The following ERBB4 variants were observed in gnomAD, a reference collection of about 807,000 sequenced individuals.
ERBB4 encodes receptor tyrosine-protein kinase erbB-4.
Under a neutral mutation model 158.0 loss-of-function variants are expected in ERBB4, and 42 were observed. The observed-to-expected ratio is 0.27, with a 90% CI of 0.21 to 0.34. The LOEUF is 0.34. Among genes scored for constraint, ERBB4 ranks in the 10% least tolerant of loss-of-function variants. ERBB4 has a pLI of 1.00. For missense variants in ERBB4, 1,333 were observed against 1,624.1 expected (o/e 0.82, Z 3.08); for synonymous variants, 583 against 558.7 (o/e 1.04, Z -0.61).
chr2:211,478,138 C>A (rs2065001816), intron 20 of ERBB4, among the ~76,000 whole-genome samples: 1 of 152,100 alleles, frequency 6.6e-6, no homozygotes, highest in African/African-American at 2.4e-5. Flanking sequence ...AATGGGATCA[C>A]TAAAACACAG....
intron 3 of ERBB4, among the ~76,000 whole-genome samples, chr2:211,905,690 ATATG>A (rs1190911420): frequency 3.0e-5 from 4 of 135,372 alleles, no homozygotes; most frequent in Non-Finnish European, 6.3e-5. Flanking sequence ...ATACACACAT[ATATG>A]TGTGTGTATG....
intron 1 of ERBB4, among the ~76,000 whole-genome samples, chr2:212,372,096 C>T (rs2090108355): frequency 6.6e-6 from 1 of 151,834 alleles, no homozygotes; most frequent in Non-Finnish European, 1.5e-5. Context: ...TGGCAATAGG[C>T]CAAGTTTGAA....
At chr2:212,111,385 C>T (rs1004369893) in intron 2 of ERBB4, among the ~76,000 whole-genome samples, 8 of 152,178 alleles carry the variant, frequency 5.3e-5, no homozygotes, top group African/African-American at 1.7e-4. Context: ...TTTCTTCCTG[C>T]TACTGGATTT....
At chr2:212,011,472 T>C (rs1013067559) in intron 2 of ERBB4, among the ~76,000 whole-genome samples, 4 of 152,114 alleles carry the variant, frequency 2.6e-5, no homozygotes, top group African/African-American at 9.7e-5. Flanking sequence ...GCATTTCAGC[T>C]AGGTGCAGTG....
rs1471331440 is a variant in ERBB4, at chr2:211,644,490, T to A, written c.1946+13264A>T. On this transcript the variant is annotated intron_variant, in intron 16 of 27. Coordinates refer to ENST00000342788, the MANE Select transcript of ERBB4 (RefSeq NM_005235.3). ...TCGAACCTAAGCATTTCAAACAACA[T>A]TGAAATAATATAATGCCAAGACAAC... Among the ~76,000 whole-genome samples the A allele has an allele frequency of 3.9e-5, 6 of 152,056 alleles. No individual in the cohort carries two copies. In the East Asian group the frequency reaches 1.2e-3, roughly 29 times the overall value.
intron 20 of ERBB4, among the ~76,000 whole-genome samples, chr2:211,479,638 C>G (rs184655338): frequency 2.6e-5 from 4 of 152,222 alleles, no homozygotes; most frequent in Admixed American, 6.5e-5. Context: ...TCTATCGGCA[C>G]AGGAACTGGC....
At chr2:212,186,806 T>G (rs1263303182) in intron 1 of ERBB4, among the ~76,000 whole-genome samples, 1 of 152,248 alleles carries the variant, frequency 6.6e-6, no homozygotes, top group South Asian at 2.1e-4. Flanking sequence ...AAGATAGAAG[T>G]ATGCAGCGAT....
At chr2:212,000,740 A>C (rs2076084114) in intron 2 of ERBB4, among the ~76,000 whole-genome samples, 1 of 151,910 alleles carries the variant, frequency 6.6e-6, no homozygotes. Context: ...AATGTCTACC[A>C]AAATCTATAA....
intron 3 of ERBB4, among the ~76,000 whole-genome samples, chr2:211,875,050 A>AAAAAAC (rs66500425): frequency 5.0e-4 from 38 of 75,798 alleles, no homozygotes; most frequent in Non-Finnish European, 6.8e-4. Context: ...AAAAAAAAAA[A>AAAAAAC]CAAACTCAAA....
intron 1 of ERBB4, among the ~76,000 whole-genome samples, chr2:212,194,291 T>TACACACAAACACAC (rs2082358738): frequency 6.7e-6 from 1 of 148,728 alleles, no homozygotes; most frequent in South Asian, 2.2e-4. Context: ...AAATAGTTTA[T>TACACACAAACACAC]ACACACACAC....
intron 1 of ERBB4, among the ~76,000 whole-genome samples, chr2:212,165,405 A>C (rs1267011677): frequency 6.6e-6 from 1 of 151,910 alleles, no homozygotes; most frequent in Non-Finnish European, 1.5e-5. Context: ...CCCAGCCCTG[A>C]GGGTAATGAA....
rs2125308016 is a variant in ERBB4 at position 211,383,646 on chromosome 2, G to A, written c.3896C>T (p.Pro1299Leu). Residue 1299 changes from proline to leucine, a missense_variant, in exon 28 of 28, where the codon CCA becomes CTA. Pro to Leu is a moderately conservative substitution (Grantham distance 98, BLOSUM62 -3). Transcript: ENST00000342788. ...SLKPGTVLPP[P>L]PYRHRNTVV ...CACAGTATTCCGGTGTCTGTAAGGT[G>A]GAGGCGGCAGCACAGTGCCTGGCTT... 1 of 1,613,676 alleles carries A rather than the reference G, an allele frequency of 6.2e-7. No individual in the cohort carries two copies. Among genetic ancestry groups the A allele is most frequent in the Non-Finnish European group, 8.5e-7 (1 of 1,179,986 alleles).
At chr2:212,039,623 A>C (rs141873373) in intron 2 of ERBB4, among the ~76,000 whole-genome samples, 124 of 152,266 alleles carry the variant, frequency 8.1e-4, no homozygotes, top group Middle Eastern at 3.4e-3. Flanking sequence ...GCCAGCTTTA[A>C]CTGAACAATT....
At chr2:212,395,684 A>G (rs2091004896) in intron 1 of ERBB4, among the ~76,000 whole-genome samples, 1 of 143,740 alleles carries the variant, frequency 7.0e-6, no homozygotes, top group South Asian at 2.1e-4. Context: ...CAGTGGCACA[A>G]TCTCACCTCA....
chr2:212,507,818 A>G (rs111433909), intron 1 of ERBB4, among the ~76,000 whole-genome samples: 1,892 of 152,338 alleles, frequency 0.012, 41 homozygotes, highest in African/African-American at 0.043. Flanking sequence ...AAGATTTACA[A>G]TACTATATAA....
intron 2 of ERBB4, among the ~76,000 whole-genome samples, chr2:212,071,072 T>C (rs1038982036): frequency 6.6e-6 from 1 of 151,910 alleles, no homozygotes; most frequent in African/African-American, 2.4e-5. Context: ...AACAAGTCAC[T>C]TCCCTCAATG....
At chr2:211,811,478 G>A (rs2076755507) in intron 3 of ERBB4, among the ~76,000 whole-genome samples, 1 of 151,918 alleles carries the variant, frequency 6.6e-6, no homozygotes, top group African/African-American at 2.4e-5. Context: ...TGGTGAATCT[G>A]ACAATTATGT....
At chr2:211,510,935 A>C (rs2065869552) in intron 20 of ERBB4, among the ~76,000 whole-genome samples, 1 of 152,052 alleles carries the variant, frequency 6.6e-6, no homozygotes, top group South Asian at 2.1e-4. Context: ...TTGAAAATTT[A>C]AGATCACAGT....
chr2:211,892,638 C>T (rs1426813061), intron 3 of ERBB4, among the ~76,000 whole-genome samples: 4 of 145,714 alleles, frequency 2.7e-5, no homozygotes, highest in African/African-American at 5.3e-5. Context: ...TTGCAGATGA[C>T]GTGATTGTAT....
Sources: gnomAD v4.1 joint callset for allele counts (sites outside exome capture counted in the v4.1 genomes callset) on GRCh38, gnomAD v4.1.1 for gene constraint, MANE v1.5 for transcripts, NCBI Gene and HGNC (gene_info 2026-07-23, HGNC 2026-07-21) for gene names.